The following RPRD1A variants were observed in gnomAD, a reference collection of about 807,000 sequenced individuals.
RPRD1A encodes the protein regulation of nuclear pre-mRNA domain containing 1A.
RPRD1A carries 9 observed loss-of-function variants against 37.8 expected under a neutral mutation model. That is an observed-to-expected ratio of 0.24 (90% CI 0.14 to 0.42). RPRD1A has a LOEUF of 0.42. Ranked by LOEUF, RPRD1A falls within the 10% of genes least tolerant of loss-of-function variation. The pLI, the probability that RPRD1A is intolerant of heterozygous loss-of-function variation, is 1.00. For synonymous variants in RPRD1A, 138 were observed against 139.7 expected, an observed-to-expected ratio of 0.99 and a Z score of 0.08; for missense variants, 255 against 371.0, an observed-to-expected ratio of 0.69 and a Z score of 2.57.
intron 6 of RPRD1A, among the ~76,000 whole-genome samples, chr18:36,018,043 C>T (rs923330526): frequency 6.6e-6 from 1 of 152,284 alleles, no homozygotes; most frequent in East Asian, 1.9e-4. Flanking sequence ...CTCCTTTGTT[C>T]AAAATGCTCA....
chr18:36,017,173 C>T (rs938553601), intron 6 of RPRD1A, among the ~76,000 whole-genome samples: 2 of 151,992 alleles, frequency 1.3e-5, no homozygotes, highest in Admixed American at 6.6e-5. Flanking sequence ...AGTCGGGAGT[C>T]GTGGCACTCG....
chr18:36,052,801 T>C (rs1913495398), intron 1 of RPRD1A: 1 of 152,180 alleles, frequency 6.6e-6, no homozygotes, highest in African/African-American at 2.4e-5. Flanking sequence ...GGTCTTACCA[T>C]GTTGGCCAGG....
At chr18:36,042,956 A>ATAAATTTATCC (rs1912687779) in intron 1 of RPRD1A, among the ~76,000 whole-genome samples, 2 of 152,214 alleles carry the variant, frequency 1.3e-5, no homozygotes, top group Admixed American at 6.5e-5. Context: ...TATCCTATGG[A>ATAAATTTATCC]TATGGATATA....
At chr18:36,061,741 A>T (rs1226597095) in intron 1 of RPRD1A, among the ~76,000 whole-genome samples, 1 of 152,254 alleles carries the variant, frequency 6.6e-6, no homozygotes, top group African/African-American at 2.4e-5. Context: ...TTGTGGTATG[A>T]ATCTAATACA....
At chr18:36,020,109 G>A (rs1165370476) in intron 6 of RPRD1A, among the ~76,000 whole-genome samples, 3 of 152,150 alleles carry the variant, frequency 2.0e-5, no homozygotes, top group Non-Finnish European at 4.4e-5. Context: ...GCTGCAACAG[G>A]AAATAATGAC....
At chr18:35,996,019 C>T (rs1278850275) in intron 6 of RPRD1A, among the ~76,000 whole-genome samples, 1 of 152,132 alleles carries the variant, frequency 6.6e-6, no homozygotes, top group Non-Finnish European at 1.5e-5. Context: ...AGCAGAACAA[C>T]CAAATCTAAT....
chr18:36,042,965 T>C (rs4799841), intron 1 of RPRD1A, among the ~76,000 whole-genome samples: 17,569 of 152,222 alleles, frequency 0.12, 1,260 homozygotes, highest in East Asian at 0.25. Context: ...GATATGGATA[T>C]ATTTCTCATA....
intron 1 of RPRD1A, among the ~76,000 whole-genome samples, chr18:36,041,332 C>T (rs188705884): frequency 6.6e-6 from 1 of 152,132 alleles, no homozygotes; most frequent in African/African-American, 2.4e-5. Flanking sequence ...CCCTTTTCTC[C>T]GAATTCTTTG....
At chr18:36,006,742 A>C (rs1282555681) in intron 6 of RPRD1A, among the ~76,000 whole-genome samples, 2 of 152,186 alleles carry the variant, frequency 1.3e-5, no homozygotes, top group African/African-American at 2.4e-5. Flanking sequence ...ATTAGCCAGA[A>C]AGGGGTAACA....
chr18:36,011,731 CA>C lies in RPRD1A; in HGVS notation c.789+15168del, dbSNP rs1276888346. Among the ~76,000 whole-genome samples, 28 of 152,192 alleles carry C rather than the reference CA, an allele frequency of 1.8e-4. No individual in the cohort carries two copies. The South Asian group carries it at 3.9e-3, about 21-fold the overall frequency. ...CAATGCCAAAAATGTGCACCTTCCA[CA>C]AACAAAAAAGCTCAGGGCCTATAAG... On this transcript the variant is annotated intron_variant, in intron 6 of 6. Coordinates refer to ENST00000399022, the MANE Select transcript of RPRD1A (RefSeq NM_018170.5).
intron 1 of RPRD1A, among the ~76,000 whole-genome samples, chr18:36,061,223 T>C (rs1040787096): frequency 1.3e-5 from 2 of 152,240 alleles, no homozygotes; most frequent in African/African-American, 2.4e-5. Context: ...TTAAAATTTT[T>C]TGTTTATTGG....
intron 6 of RPRD1A, among the ~76,000 whole-genome samples, chr18:35,994,838 G>A (rs1450709356): frequency 6.6e-6 from 1 of 152,116 alleles, no homozygotes; most frequent in Non-Finnish European, 1.5e-5. Flanking sequence ...TCTACCATGA[G>A]CCAAGATTTC....
At chr18:36,050,844 T>C (rs1913333239) in intron 1 of RPRD1A, among the ~76,000 whole-genome samples, 1 of 150,920 alleles carries the variant, frequency 6.6e-6, no homozygotes, top group Non-Finnish European at 1.5e-5. Flanking sequence ...CACACCAGAA[T>C]CAATTTTTCT....
At chr18:36,022,258 G>T (rs140468791) in intron 6 of RPRD1A, among the ~76,000 whole-genome samples, 1 of 152,334 alleles carries the variant, frequency 6.6e-6, no homozygotes, top group Non-Finnish European at 1.5e-5. Context: ...CCGTAACTTC[G>T]AAGTGCAGAG....
chr18:36,012,158 T>G (rs970325647), intron 6 of RPRD1A, among the ~76,000 whole-genome samples: 1 of 152,184 alleles, frequency 6.6e-6, no homozygotes, highest in Non-Finnish European at 1.5e-5. Flanking sequence ...AAGACTATAA[T>G]GAAGCTGAAA....
intron 1 of RPRD1A, among the ~76,000 whole-genome samples, chr18:36,065,521 G>A (rs747341127): frequency 2.6e-5 from 4 of 152,120 alleles, no homozygotes; most frequent in Non-Finnish European, 5.9e-5. Context: ...GGTCTCACTT[G>A]TTTTCAATTT....
intron 6 of RPRD1A, among the ~76,000 whole-genome samples, chr18:36,007,799 G>A (rs573601189): frequency 3.1e-4 from 47 of 152,050 alleles, no homozygotes; most frequent in Non-Finnish European, 5.4e-4. Flanking sequence ...TTAGCCGGGC[G>A]TGGTGGCATG....
At chr18:36,023,544 C>T (rs1192661201) in intron 6 of RPRD1A, among the ~76,000 whole-genome samples, 1 of 152,204 alleles carries the variant, frequency 6.6e-6, no homozygotes, top group Admixed American at 6.5e-5. Context: ...AAAGCAGTAG[C>T]AGGGCTTGAG....
chr18:36,008,577 G>GTGTGTATATATATATATATATATATATA lies in RPRD1A; in HGVS notation c.790-15278_790-15277insTATATATATATATATATATATATACACA. Among the ~76,000 whole-genome samples, 114 of 47,766 alleles carry GTGTGTATATATATATATATATATATATA rather than the reference G, an allele frequency of 2.4e-3. 8 individuals carry two copies. The highest frequency in any genetic ancestry group is 3.1e-3 in the East Asian group (4 of 1,284). The allele number at this position is 47,766 out of a possible 152,430, so 31.3% of individuals were successfully genotyped here. A position where few individuals can be genotyped will look rare whatever the true frequency, so the allele number is the denominator to read the frequency against. On this transcript the variant is annotated intron_variant, in intron 6 of 6. Transcript: ENST00000399022. ...GGCGACACAGCAAGACCTTGTGTGT[G>GTGTGTATATATATATATATATATATATA]TATATATATATATCTTTAAAAATCT...
Sources: gnomAD v4.1 joint callset for allele counts (sites outside exome capture counted in the v4.1 genomes callset) on GRCh38, gnomAD v4.1.1 for gene constraint, MANE v1.5 for transcripts, NCBI Gene and HGNC (gene_info 2026-07-23, HGNC 2026-07-21) for gene names.